Variants in PCDHGB3 observed in about 807,000 individuals in gnomAD.
The protein encoded by PCDHGB3 is protocadherin gamma subfamily B, 3, also known as protocadherin gamma-B3.
In PCDHGB3, 40 loss-of-function variants were observed where a neutral mutation model predicts 59.2. That is an observed-to-expected ratio of 0.68 (90% CI 0.52 to 0.88). PCDHGB3 has a LOEUF of 0.88. Ranked by LOEUF, PCDHGB3 falls within the 40% of genes least tolerant of loss-of-function variation. PCDHGB3 has a pLI of 0.00. For missense variants in PCDHGB3, 1,309 were observed against 1,187.9 expected (o/e 1.10, Z -1.50); for synonymous variants, 581 against 503.6 (o/e 1.15, Z -2.06).
chr5:141,403,661 G>C (rs2094439419), intron 1 of PCDHGB3: 1 of 1,613,904 alleles, frequency 6.2e-7, no homozygotes, highest in Non-Finnish European at 8.5e-7. Context: ...GGATACAAAT[G>C]ATAATGCCCC....
chr5:141,393,588 A>G, intron 1 of PCDHGB3: 1 of 1,613,924 alleles, frequency 6.2e-7, no homozygotes. Context: ...GCCCCCAGGC[A>G]CGCGGCTGCT....
intron 1 of PCDHGB3, chr5:141,395,398 T>C (rs976008795): frequency 1.2e-6 from 1 of 863,780 alleles, no homozygotes; most frequent in East Asian, 2.8e-5. Context: ...TGAACTCTAA[T>C]AGTCATAGGT....
At chr5:141,478,785 A>C in intron 1 of PCDHGB3, 1 of 1,482,486 alleles carries the variant, frequency 6.7e-7, no homozygotes, top group Non-Finnish European at 9.0e-7. Flanking sequence ...GACCTAATTC[A>C]CATCCTCAGC....
chr5:141,505,246 G>C, intron 2 of PCDHGB3, 147 bp from the exon 3 acceptor site: 2 of 1,436,674 alleles, frequency 1.4e-6, no homozygotes, highest in Non-Finnish European at 1.9e-6. Flanking sequence ...AAGGATTGTA[G>C]AAGTGCCTCC....
intron 1 of PCDHGB3, among the ~76,000 whole-genome samples, chr5:141,460,951 G>GTATATA (rs200454978): frequency 7.2e-6 from 1 of 139,722 alleles, no homozygotes; most frequent in African/African-American, 2.8e-5. Flanking sequence ...TATGTATTAT[G>GTATATA]TATATATATA....
chr5:141,459,315 T>A (rs2154566534), intron 1 of PCDHGB3, among the ~76,000 whole-genome samples: 1 of 152,362 alleles, frequency 6.6e-6, no homozygotes, highest in Non-Finnish European at 1.5e-5. Flanking sequence ...CTATTTTGTA[T>A]CCATCTTCTT....
intron 1 of PCDHGB3, among the ~76,000 whole-genome samples, chr5:141,439,631 A>C (rs1459977985): frequency 2.0e-5 from 3 of 152,214 alleles, no homozygotes; most frequent in Non-Finnish European, 2.9e-5. Context: ...ATCCCCAGAC[A>C]TTCCGGCTTG....
intron 1 of PCDHGB3, among the ~76,000 whole-genome samples, chr5:141,474,412 C>A (rs1282336092): frequency 6.6e-6 from 1 of 152,220 alleles, no homozygotes; most frequent in Non-Finnish European, 1.5e-5. Flanking sequence ...CCGGTGATGC[C>A]TAGACCATTG....
intron 2 of PCDHGB3, among the ~76,000 whole-genome samples, chr5:141,501,536 G>A (rs570102957): frequency 5.9e-5 from 9 of 152,054 alleles, no homozygotes; most frequent in African/African-American, 2.2e-4. Context: ...GTACGTTGTT[G>A]TGCATAAGAT....
At chr5:141,482,033 C>G (rs1185284483) in intron 1 of PCDHGB3, among the ~76,000 whole-genome samples, 1 of 149,194 alleles carries the variant, frequency 6.7e-6, no homozygotes, top group African/African-American at 2.5e-5. Flanking sequence ...TGCAGTGAGC[C>G]AAGATCATGC....
chr5:141,415,078 G>C, intron 1 of PCDHGB3: 1 of 1,613,494 alleles, frequency 6.2e-7, no homozygotes, highest in Non-Finnish European at 8.5e-7. Context: ...CACGGCGCGA[G>C]CCCTGCTGGA....
chr5:141,459,947 A>T (rs2098978538), intron 1 of PCDHGB3, among the ~76,000 whole-genome samples: 1 of 152,200 alleles, frequency 6.6e-6, no homozygotes, highest in African/African-American at 2.4e-5. Context: ...GCGTGATGGC[A>T]GGTGCCTGTA....
At position 141,423,418 on chromosome 5, in the gene PCDHGB3, G is replaced by T. The variant is rs1236092057; in HGVS notation, c.2415+50609G>T. On this transcript the variant is annotated intron_variant, in intron 1 of 3. Transcript: ENST00000576222. ...GTCACGCCTGCTGCAGGCTTCTGAAGGCGGGTTGGCAGGTATGCCCACGTC... is the reference window on the plus strand; with the variant it reads ...GTCACGCCTGCTGCAGGCTTCTGAATGCGGGTTGGCAGGTATGCCCACGTC... 1.2e-6 allele frequency: 2 copies of T among 1,614,022 alleles called. No individual in the cohort carries two copies. Among genetic ancestry groups the T allele is most frequent in the South Asian group, 1.1e-5 (1 of 91,088 alleles).
chr5:141,371,485 C>T lies in PCDHGB3; in HGVS notation c.1091C>T (p.Thr364Ile). The change falls in exon 1 of 4, where the codon ACT becomes ATT. Residue 364 changes from threonine to isoleucine, a missense_variant. Coordinates refer to ENST00000576222, the MANE Select transcript of PCDHGB3 (RefSeq NM_018924.5). Reference protein sequence around the residue: ...QHIQEDAELGTAVALIKTHDL... With the variant: ...QHIQEDAELGIAVALIKTHDL... ...ATACAAGAAGATGCTGAGCTGGGGA[C>T]TGCCGTTGCCCTGATCAAAACACAT... 1 of 1,613,980 alleles carries T rather than the reference C, an allele frequency of 6.2e-7. No homozygotes were observed. The highest frequency in any genetic ancestry group is 1.1e-5 in the South Asian group (1 of 91,076).
chr5:141,450,454 G>A (rs144071286), intron 1 of PCDHGB3, among the ~76,000 whole-genome samples: 3,498 of 151,958 alleles, frequency 0.023, 60 homozygotes, highest in Middle Eastern at 0.051. Flanking sequence ...ATGTTTCCTC[G>A]TGATTTTATA....
chr5:141,399,210 A>G, intron 1 of PCDHGB3: 2 of 1,613,974 alleles, frequency 1.2e-6, no homozygotes, highest in Non-Finnish European at 1.7e-6. Context: ...CTGGAACACT[A>G]ATTGCTTTGA....
chr5:141,397,609 G>A (rs2093544805), intron 1 of PCDHGB3, among the ~76,000 whole-genome samples: 1 of 152,186 alleles, frequency 6.6e-6, no homozygotes. Flanking sequence ...AGTGACAAGG[G>A]CAATACTTAG....
intron 1 of PCDHGB3, among the ~76,000 whole-genome samples, chr5:141,462,903 T>A (rs1455334521): frequency 6.6e-6 from 1 of 152,208 alleles, no homozygotes; most frequent in Non-Finnish European, 1.5e-5. Context: ...GGAAGGCTAT[T>A]ATGTTTTTTG....
chr5:141,397,194 A>G (rs1362793784), intron 1 of PCDHGB3, among the ~76,000 whole-genome samples: 1 of 152,240 alleles, frequency 6.6e-6, no homozygotes, highest in Admixed American at 6.5e-5. Flanking sequence ...GTACTGTAAA[A>G]GATATGACAT....
Sources: gnomAD v4.1 joint callset for allele counts (sites outside exome capture counted in the v4.1 genomes callset) on GRCh38, gnomAD v4.1.1 for gene constraint, MANE v1.5 for transcripts, NCBI Gene and HGNC (gene_info 2026-07-23, HGNC 2026-07-21) for gene names.